ATG16L2: variants seen among roughly 807,000 people sequenced by gnomAD.
The protein encoded by ATG16L2 is protein Atg16l2.
In ATG16L2, 77 loss-of-function variants were observed where a neutral mutation model predicts 84.7. The observed-to-expected ratio is 0.91, with a 90% CI of 0.76 to 1.10. The LOEUF is 1.10. ATG16L2 is among the 50% of genes least tolerant of loss of function. The pLI is 0.00. For synonymous variants in ATG16L2, 361 were observed against 342.8 expected (o/e 1.05, Z -0.59); for missense variants, 782 against 817.6 (o/e 0.96, Z 0.53).
At chr11:72,825,992 G>C (rs1467002701) in intron 10 of ATG16L2, among the ~76,000 whole-genome samples, 181 bp from the exon 11 acceptor site, 1 of 152,188 alleles carries the variant, frequency 6.6e-6, no homozygotes, top group Non-Finnish European at 1.5e-5. Context: ...CCCAGTGCCA[G>C]CAGTTAGGGG....
intron 5 of ATG16L2, chr11:72,841,390 C>G: frequency 8.4e-7 from 1 of 1,183,592 alleles, no homozygotes; most frequent in Non-Finnish European, 1.2e-6. Context: ...TTTTGCCCTT[C>G]AGGCGAATAT....
Position 72,816,952 on chromosome 11 carries a change from G to A in ATG16L2, c.218+125G>A, listed in dbSNP as rs1859732338. 4.5e-6 allele frequency: 3 copies of A among 664,750 alleles called. No homozygotes were observed. The South Asian group carries it at 5.8e-5, about 13-fold the overall frequency. The allele number at this position is 664,750 out of a possible 1,614,324, so 41.2% of individuals were successfully genotyped here. ...CCCTTGGCTGCTGCCCAGGGGTGGTGGGGGTGGTGGAGGTGGTGGGGGTGG... is the reference window on the plus strand; with the variant it reads ...CCCTTGGCTGCTGCCCAGGGGTGGTAGGGGTGGTGGAGGTGGTGGGGGTGG... On this transcript the variant is annotated intron_variant, in intron 2 of 17. Coordinates refer to ENST00000321297, the MANE Select transcript of ATG16L2 (RefSeq NM_033388.2).
chr11:72,837,906 A>AT (rs760771712), intron 5 of ATG16L2: 1 of 152,246 alleles, frequency 6.6e-6, no homozygotes, highest in Non-Finnish European at 1.5e-5. Context: ...CAATGCAGGT[A>AT]TGTGTCCTCA....
chr11:72,827,555 T>C (rs3862794), intron 14 of ATG16L2, among the ~76,000 whole-genome samples: 40,080 of 152,208 alleles, frequency 0.26, 5,516 homozygotes, highest in East Asian at 0.41. Flanking sequence ...TTTTTCCATT[T>C]AGTTACCACT....
chr11:72,834,585 C>CTT (rs750842866), downstream of ATG16L2, among the ~76,000 whole-genome samples: 8 of 142,804 alleles, frequency 5.6e-5, no homozygotes, highest in Non-Finnish European at 7.7e-5. Flanking sequence ...CATTCCATTC[C>CTT]TTTTTTTTTT....
chr11:72,826,639 G>T, intron 12 of ATG16L2, 50 bp downstream of exon 12: 1 of 1,614,122 alleles, frequency 6.2e-7, no homozygotes, highest in Non-Finnish European at 8.5e-7. Flanking sequence ...CATACCTCAG[G>T]ACTAGGGGGC....
intron 1 of ATG16L2, 44 bp from the exon 2 acceptor site, chr11:72,816,683 TG>T (rs1341315919): frequency 2.8e-5 from 41 of 1,490,122 alleles, no homozygotes; most frequent in Non-Finnish European, 3.7e-5. Flanking sequence ...AGGGGGCTGC[TG>T]GGTATCTGTC....
At chr11:72,840,197 C>T (rs1216340294) in intron 5 of ATG16L2, among the ~76,000 whole-genome samples, 1 of 152,204 alleles carries the variant, frequency 6.6e-6, no homozygotes, top group Non-Finnish European at 1.5e-5. Flanking sequence ...TCCAGCTTAC[C>T]ACTTTACAAT....
rs1565269237 is a variant in ATG16L2 at position 72,826,176 on chromosome 11, GCCTGGAGGCCAACCAGAC to G, written c.1115_1132del (p.Ala372_Glu377del). The G allele has an allele frequency of 6.2e-7, 1 of 1,612,616 alleles. No individual in the cohort carries two copies. Among genetic ancestry groups the G allele is most frequent in the South Asian group, 1.1e-5 (1 of 90,946 alleles). On this transcript the variant is annotated inframe_deletion, in exon 11 of 18. Transcript: ENST00000321297. ...TCCCTTCCCCTGGTCCTCCCAGGTC[GCCTGGAGGCCAACCAGAC>G]CCTGGAGGGAGCTGGTGGCAGCATC...
At chr11:72,841,550 G>A (rs1224404011) in intron 5 of ATG16L2, 3 of 1,610,708 alleles carry the variant, frequency 1.9e-6, no homozygotes, top group Non-Finnish European at 2.5e-6. Context: ...GGCAGTGGAG[G>A]CAGGGAGGCG....
intron 11 of ATG16L2, 122 bp downstream of exon 11, chr11:72,826,365 T>C: frequency 7.0e-7 from 1 of 1,425,958 alleles, no homozygotes; most frequent in Non-Finnish European, 9.6e-7. Flanking sequence ...CCTGGGCTCT[T>C]ACACAGATCC....
exon 6 of ATG16L2, chr11:72,843,514 A>G: frequency 6.2e-7 from 1 of 1,613,702 alleles, no homozygotes; most frequent in Non-Finnish European, 8.5e-7. Flanking sequence ...TCAATGGTCA[A>G]CTCATCTGGT....
At chr11:72,821,533 C>G in intron 3 of ATG16L2, 135 bp from the exon 4 acceptor site, 2 of 1,463,586 alleles carry the variant, frequency 1.4e-6, no homozygotes, top group Non-Finnish European at 1.8e-6. Context: ...GGTCCCAAAC[C>G]TGTGTGGGGC....
intron 3 of ATG16L2, chr11:72,818,077 G>C: frequency 1.8e-6 from 1 of 556,578 alleles, no homozygotes; most frequent in South Asian, 2.1e-5. Flanking sequence ...AGGGAGTTAG[G>C]TGTGCAAGGG....
intron 7 of ATG16L2, chr11:72,823,774 T>G: frequency 1.8e-6 from 1 of 548,358 alleles, no homozygotes; most frequent in Non-Finnish European, 3.5e-6. Flanking sequence ...AGGCCCCGGC[T>G]CAGCTTCCCA....
At position 72,824,826 on chromosome 11, in the gene ATG16L2, G is replaced by T. The variant is rs766599053; in HGVS notation, c.980G>T (p.Arg327Leu). 8 of 1,595,178 alleles carry T rather than the reference G, an allele frequency of 5.0e-6. No homozygotes were observed. The highest frequency in any genetic ancestry group is 6.8e-6 in the Non-Finnish European group (8 of 1,170,326). ...TGTGTGGCTGCCCGACTTCCTACCC[G>T]GGCTCAGGATGTGCTGGTAAGGGAG... ...PVCVAARLPT[R>L]AQDVLDAHLS... The change falls in exon 9 of 18, where the codon CGG becomes CTG. Residue 327 changes from arginine (R) to leucine (L), a missense_variant. Arg to Leu is a moderately radical substitution (Grantham distance 102). Coordinates refer to ENST00000321297, the MANE Select transcript of ATG16L2 (RefSeq NM_033388.2).
chr11:72,828,513 C>A lies in ATG16L2; in HGVS notation c.1622+5C>A. On this transcript the variant is annotated splice_donor_5th_base_variant and intron_variant, in intron 15 of 17. Coordinates refer to ENST00000321297, the MANE Select transcript of ATG16L2 (RefSeq NM_033388.2). ...CAACATCCGCCAGGTGTTCAGGTAC[C>A]AGCCTCATGCCTGCTGACCCTGTGG... is the stretch of plus-strand genomic sequence containing the variant. The A allele has an allele frequency of 1.9e-6, 3 of 1,614,160 alleles. No homozygotes were observed. Among genetic ancestry groups the A allele is most frequent in the Non-Finnish European group, 2.5e-6 (3 of 1,180,024 alleles).
At chr11:72,841,386 C>A in intron 5 of ATG16L2, 1 of 1,383,184 alleles carries the variant, frequency 7.2e-7, no homozygotes, top group Non-Finnish European at 9.8e-7. Flanking sequence ...TTTTTTTTGC[C>A]CTTCAGGCGA....
At chr11:72,826,431 C>G in intron 11 of ATG16L2, 87 bp from the exon 12 acceptor site, 2 of 1,552,180 alleles carry the variant, frequency 1.3e-6, no homozygotes, top group Non-Finnish European at 1.8e-6. Flanking sequence ...CCGTGGGAAA[C>G]TGTGAGGCAG....
Sources: gnomAD v4.1 joint callset for allele counts (sites outside exome capture counted in the v4.1 genomes callset) on GRCh38, gnomAD v4.1.1 for gene constraint, MANE v1.5 for transcripts, NCBI Gene and HGNC (gene_info 2026-07-23, HGNC 2026-07-21) for gene names.